The following PEMT variants were observed in gnomAD, a reference collection of about 807,000 sequenced individuals.
PEMT encodes phospholipid methyltransferase.
PEMT carries 23 observed loss-of-function variants against 27.4 expected under a neutral mutation model. The ratio of observed to expected loss-of-function variants is 0.84; its 90% CI spans 0.60 to 1.19. PEMT has a LOEUF of 1.19. PEMT is among the 50% of genes most tolerant of loss of function. PEMT has a pLI of 0.00. For synonymous variants in PEMT, 137 were observed against 139.1 expected (o/e 0.98, Z 0.11); for missense variants, 307 against 310.1 (o/e 0.99, Z 0.07).
At chr17:17,591,327 G>A in intron 1 of PEMT, 4 of 562,128 alleles carry the variant, frequency 7.1e-6, no homozygotes, top group Non-Finnish European at 1.3e-5. Context: ...GCAATCTGAG[G>A]TTTACACGCG....
At chr17:17,579,041 C>G (rs1051931502) in intron 1 of PEMT, among the ~76,000 whole-genome samples, 2 of 152,164 alleles carry the variant, frequency 1.3e-5, no homozygotes, top group Non-Finnish European at 2.9e-5. Flanking sequence ...TTTGGAAATA[C>G]AGTAAATTCC....
intron 5 of PEMT, chr17:17,507,581 G>A: frequency 4.2e-6 from 1 of 239,108 alleles, no homozygotes; most frequent in Non-Finnish European, 8.2e-6. Flanking sequence ...GCGCCGAGGG[G>A]GACAGGAGTC....
chr17:17,511,067 G>A (rs1906349208), intron 4 of PEMT, among the ~76,000 whole-genome samples: 1 of 152,138 alleles, frequency 6.6e-6, no homozygotes, highest in Admixed American at 6.5e-5. Context: ...CTCTGGGGAT[G>A]GAGCCTCAGC....
intron 2 of PEMT, among the ~76,000 whole-genome samples, chr17:17,575,461 C>T (rs35104205): frequency 6.6e-6 from 1 of 152,080 alleles, no homozygotes; most frequent in African/African-American, 2.4e-5. Context: ...CCTCACCCTT[C>T]ACCACCTCAT....
In PEMT at chr17:17,576,903, T is replaced by C; in HGVS notation, c.204+17A>G. On this transcript the variant is annotated intron_variant, in intron 2 of 6. Transcript: ENST00000255389. ...GTGAGATACTCCCGTCTGGACAGTGTCAGGCACATCACTTACCACATTCCA... is the reference window on the plus strand; with the variant it reads ...GTGAGATACTCCCGTCTGGACAGTGCCAGGCACATCACTTACCACATTCCA... 1 of 1,595,462 alleles carries C rather than the reference T, an allele frequency of 6.3e-7. No individual in the cohort carries two copies. Among genetic ancestry groups the C allele is most frequent in the Non-Finnish European group, 8.6e-7 (1 of 1,163,156 alleles).
At chr17:17,571,114 C>A (rs1438374788) in intron 2 of PEMT, among the ~76,000 whole-genome samples, 3 of 152,150 alleles carry the variant, frequency 2.0e-5, no homozygotes, top group African/African-American at 7.2e-5. Flanking sequence ...ATCTTTGTTT[C>A]CTGAGCCCTT....
chr17:17,550,184 G>A (rs141617243), intron 2 of PEMT, among the ~76,000 whole-genome samples: 3 of 152,278 alleles, frequency 2.0e-5, no homozygotes, highest in African/African-American at 4.8e-5. Flanking sequence ...CCTCTGGAAC[G>A]TGTCCCGTGA....
In PEMT at chr17:17,576,258, A is replaced by C. The variant is rs546503718; in HGVS notation, c.204+662T>G. Among the ~76,000 whole-genome samples the C allele has an allele frequency of 1.4e-3, 216 of 152,130 alleles. 1 individual carries two copies. Among genetic ancestry groups the C allele is most frequent in the Admixed American group, 2.4e-3 (36 of 15,288 alleles). On this transcript the variant is annotated intron_variant, in intron 2 of 6. Transcript: ENST00000255389. ...AAGGAACTGACGGCCCTCCCCTCCC[A>C]CACTTTCCTCGAAGGGCCCAGAGCC...
intron 2 of PEMT, among the ~76,000 whole-genome samples, chr17:17,554,377 C>G (rs574605654): frequency 5.3e-5 from 8 of 152,246 alleles, no homozygotes; most frequent in Admixed American, 2.0e-4. Context: ...AGAGAGCTGT[C>G]GTGGCCCCAA....
chr17:17,537,399 G>C (rs559991494), intron 2 of PEMT, among the ~76,000 whole-genome samples: 41 of 152,326 alleles, frequency 2.7e-4, no homozygotes, highest in African/African-American at 9.4e-4. Flanking sequence ...CCCTCCATGG[G>C]TGACTGTGGT....
chr17:17,592,078 T>C (rs1597976296), upstream of PEMT: 2 of 982,506 alleles, frequency 2.0e-6, no homozygotes, highest in African/African-American at 3.6e-5. Context: ...TTGGCCCGGG[T>C]CACACACGCC....
At chr17:17,537,985 TG>T (rs1383746883) in intron 2 of PEMT, among the ~76,000 whole-genome samples, 4 of 151,668 alleles carry the variant, frequency 2.6e-5, no homozygotes, top group Admixed American at 2.6e-4. Context: ...CACCAGGGAG[TG>T]GTCAGCTGGC....
At chr17:17,550,786 G>A (rs1909606854) in intron 2 of PEMT, among the ~76,000 whole-genome samples, 1 of 152,152 alleles carries the variant, frequency 6.6e-6, no homozygotes. Context: ...GGTCAGACTG[G>A]GACCACTTAG....
chr17:17,573,661 C>A (rs1358365767), intron 2 of PEMT, among the ~76,000 whole-genome samples: 1 of 152,162 alleles, frequency 6.6e-6, no homozygotes, highest in Non-Finnish European at 1.5e-5. Flanking sequence ...GGGACCTGAG[C>A]ATCTGCCGAT....
rs1246645928 is a variant in PEMT, at chr17:17,512,952, T to C, written c.321-298A>G. Among the ~76,000 whole-genome samples, 2 of 152,218 alleles carry C rather than the reference T, an allele frequency of 1.3e-5. No homozygotes were observed. The highest frequency in any genetic ancestry group is 4.8e-5 in the African/African-American group (2 of 41,446). ...AATAGACAATTCATGAAAGCCACTT[T>C]AGACCCTGCATGTGAGCAGGCTGGA... On this transcript the variant is annotated intron_variant, in intron 3 of 6. Transcript: ENST00000255389. The surrounding 1 kb of genome is among the most constrained non-coding windows in gnomAD (Gnocchi z 6.3).
intron 2 of PEMT, among the ~76,000 whole-genome samples, chr17:17,548,048 G>C (rs1435478767): frequency 3.3e-5 from 5 of 152,196 alleles, no homozygotes; most frequent in African/African-American, 9.6e-5. Flanking sequence ...GCACAGCAGC[G>C]GGATGTTCTA....
intron 1 of PEMT, among the ~76,000 whole-genome samples, chr17:17,585,321 G>T (rs1486829193): frequency 6.6e-6 from 1 of 152,220 alleles, no homozygotes; most frequent in Non-Finnish European, 1.5e-5. Context: ...CTGGGCGACA[G>T]AGCGAGAATC....
rs141689758 is a variant in PEMT at position 17,555,332 on chromosome 17, G to A, written c.204+21588C>T. Among the ~76,000 whole-genome samples, 18 of 152,280 alleles carry A rather than the reference G, an allele frequency of 1.2e-4. No homozygotes were observed. The East Asian group carries it at 2.3e-3, about 20-fold the overall frequency. ...ACACTTTCTGCTACGGCCAGAGCAC[G>A]GGGAAGCGGAGGAGATGCTCACCAG... is the stretch of plus-strand genomic sequence containing the variant. On this transcript the variant is annotated intron_variant, in intron 2 of 6. Coordinates refer to ENST00000255389, the MANE Select transcript of PEMT (RefSeq NM_148172.3).
intron 1 of PEMT, among the ~76,000 whole-genome samples, chr17:17,587,184 C>T (rs537581259): frequency 1.8e-4 from 27 of 151,900 alleles, no homozygotes; most frequent in Non-Finnish European, 1.0e-4. Context: ...ACTGAGAAAC[C>T]TCCAGCCAGC....
Sources: gnomAD v4.1 joint callset for allele counts (sites outside exome capture counted in the v4.1 genomes callset) on GRCh38, gnomAD v4.1.1 for gene constraint, Gnocchi (gnomAD v3.1) non-coding constraint, MANE v1.5 for transcripts, NCBI Gene and HGNC (gene_info 2026-07-23, HGNC 2026-07-21) for gene names.